AXDND1: variants seen among roughly 807,000 people sequenced by gnomAD.
AXDND1 encodes axonemal dynein light chain domain-containing protein 1.
In AXDND1, 110 loss-of-function variants were observed where a neutral mutation model predicts 137.5. That is an observed-to-expected ratio of 0.80 (90% CI 0.69 to 0.94). The LOEUF (loss-of-function observed/expected upper bound fraction) is 0.94, where lower values mean the gene tolerates loss of function less well. Among genes scored for constraint, AXDND1 ranks in the 40% least tolerant of loss-of-function variants. The pLI, the probability that AXDND1 is intolerant of heterozygous loss-of-function variation, is 0.00. For synonymous variants in AXDND1, 414 were observed against 399.7 expected, an observed-to-expected ratio of 1.04 and a Z score of -0.43; for missense variants, 1,191 against 1,169.8, an observed-to-expected ratio of 1.02 and a Z score of -0.26.
intron 25 of AXDND1, among the ~76,000 whole-genome samples, chr1:179,548,216 A>G (rs1455959881): frequency 6.6e-6 from 1 of 152,216 alleles, no homozygotes; most frequent in Non-Finnish European, 1.5e-5. Flanking sequence ...CATGGCTGTC[A>G]TTTATTGCTA....
In AXDND1 at chr1:179,528,311, T is replaced by C; in HGVS notation, c.2611-16T>C. The C allele has an allele frequency of 6.3e-7, 1 of 1,592,446 alleles. No individual in the cohort carries two copies. The highest frequency in any genetic ancestry group is 8.6e-7 in the Non-Finnish European group (1 of 1,160,932). On this transcript the variant is annotated splice_polypyrimidine_tract_variant and intron_variant, in intron 22 of 25. Coordinates refer to ENST00000367618, the MANE Select transcript of AXDND1 (RefSeq NM_144696.6). ...ACACCAGCTTGCTAACAGGTCCGCA[T>C]GTTTCTGTGTTCTAGCAACCTTCAA...
chr1:179,444,271 G>A (rs1195103682), intron 15 of AXDND1, among the ~76,000 whole-genome samples: 1 of 151,972 alleles, frequency 6.6e-6, no homozygotes, highest in Non-Finnish European at 1.5e-5. Context: ...TCCCAGATGT[G>A]GAAATCGAAG....
intron 21 of AXDND1, among the ~76,000 whole-genome samples, chr1:179,511,037 G>C (rs1365685335): frequency 6.6e-6 from 1 of 151,644 alleles, no homozygotes; most frequent in Non-Finnish European, 1.5e-5. Flanking sequence ...TACAATAAGA[G>C]TCTCCTGTAG....
At chr1:179,541,616 C>T (rs1414704969) in intron 25 of AXDND1, among the ~76,000 whole-genome samples, 1 of 151,636 alleles carries the variant, frequency 6.6e-6, no homozygotes, top group Non-Finnish European at 1.5e-5. Context: ...GTATGGCTAT[C>T]CCTTTAAAAC....
intron 11 of AXDND1, among the ~76,000 whole-genome samples, chr1:179,402,010 A>G (rs760132275): frequency 4.6e-5 from 7 of 152,046 alleles, no homozygotes; most frequent in Non-Finnish European, 8.8e-5. Context: ...CATCTCTACT[A>G]AAAATACAAA....
chr1:179,501,577 T>A (rs555249398), intron 20 of AXDND1, among the ~76,000 whole-genome samples: 2 of 152,034 alleles, frequency 1.3e-5, no homozygotes, highest in South Asian at 4.2e-4. Flanking sequence ...CCAGGTGTGG[T>A]GGTGCACCCC....
intron 16 of AXDND1, among the ~76,000 whole-genome samples, chr1:179,459,973 CTTTTT>C (rs1558211896): frequency 2.2e-5 from 2 of 92,920 alleles, no homozygotes; most frequent in Non-Finnish European, 4.7e-5. Context: ...TTCTTTCTTT[CTTTTT>C]CTTTCTTTCT....
In AXDND1 at chr1:179,445,130, A is replaced by C. The variant is rs1212159147; in HGVS notation, c.1724A>C (p.Gln575Pro). 3 of 1,613,028 alleles carry C rather than the reference A, an allele frequency of 1.9e-6. No individual in the cohort carries two copies. Among genetic ancestry groups the C allele is most frequent in the Non-Finnish European group, 2.5e-6 (3 of 1,179,334 alleles). Residue 575 changes from glutamine (Q) to proline (P), a missense_variant, in exon 16 of 26, where the codon CAG becomes CCG. Physicochemically the swap from Gln to Pro is moderately conservative, Grantham distance 76. Coordinates refer to ENST00000367618, the MANE Select transcript of AXDND1 (RefSeq NM_144696.6). ...SLEGEMPSER[Q>P]YMEEIIKNIQ... ...GAGGGGGAGATGCCATCAGAGCGAC[A>C]GTACATGGAGGAAATTATCAAAAAC...
intron 16 of AXDND1, among the ~76,000 whole-genome samples, chr1:179,459,309 T>A (rs1344168161): frequency 3.3e-5 from 5 of 152,146 alleles, no homozygotes; most frequent in Admixed American, 6.5e-5. Context: ...ATTTAGTTGT[T>A]TAAAAGACAT....
intron 9 of AXDND1, among the ~76,000 whole-genome samples, chr1:179,386,861 G>T (rs1272229067): frequency 1.3e-5 from 2 of 151,780 alleles, no homozygotes; most frequent in Non-Finnish European, 1.5e-5. Flanking sequence ...AGTAGCTGGG[G>T]CTACAAGTGT....
In AXDND1 at chr1:179,492,833, CTTTTTT is replaced by C; in HGVS notation, c.2292-20_2292-15del. On this transcript the variant is annotated splice_polypyrimidine_tract_variant and intron_variant, in intron 19 of 25. Coordinates refer to ENST00000367618, the MANE Select transcript of AXDND1 (RefSeq NM_144696.6). Reference sequence around the variant, plus strand: ...GTGTGTATTTGCTCTTTTTCTTTTTCTTTTTTTCCCCCTTTTTGCAGTTGTTGCAAA... The same window carrying C: ...GTGTGTATTTGCTCTTTTTCTTTTTCTCCCCCTTTTTGCAGTTGTTGCAAA... 6.5e-7 allele frequency: 1 copy of C among 1,530,026 alleles called. No homozygotes were observed. The highest frequency in any genetic ancestry group is 8.9e-7 in the Non-Finnish European group (1 of 1,121,612). 94.8% of individuals were successfully genotyped at this position (1,530,026 alleles called of 1,614,324 possible). A position where few individuals can be genotyped will look rare whatever the true frequency, so the allele number is the denominator to read the frequency against.
At chr1:179,398,582 G>T (rs1238135579) in intron 11 of AXDND1, among the ~76,000 whole-genome samples, 2 of 152,232 alleles carry the variant, frequency 1.3e-5, no homozygotes, top group African/African-American at 2.4e-5. Flanking sequence ...AGGCAGCACA[G>T]CTGGAAGAGG....
At chr1:179,475,545 G>A (rs1010954671) in intron 17 of AXDND1, among the ~76,000 whole-genome samples, 2 of 152,240 alleles carry the variant, frequency 1.3e-5, no homozygotes, top group Admixed American at 1.3e-4. Context: ...TAGCCCCTTG[G>A]TTTTGGTCAA....
intron 20 of AXDND1, chr1:179,506,960 G>A: frequency 6.5e-6 from 6 of 927,326 alleles, no homozygotes; most frequent in Non-Finnish European, 7.7e-6. Flanking sequence ...TTCCTTATGG[G>A]GGGATCTGTG....
intron 2 of AXDND1, among the ~76,000 whole-genome samples, chr1:179,367,898 A>C (rs1272111348): frequency 6.6e-6 from 1 of 151,992 alleles, no homozygotes; most frequent in East Asian, 1.9e-4. Context: ...AGCTAGTGTT[A>C]TCCTTACCCG....
chr1:179,512,018 T>C (rs1669107200), intron 21 of AXDND1, among the ~76,000 whole-genome samples: 1 of 152,216 alleles, frequency 6.6e-6, no homozygotes, highest in Admixed American at 6.5e-5. Context: ...GTGCGTTGTC[T>C]GTTTACTCTG....
intron 16 of AXDND1, among the ~76,000 whole-genome samples, chr1:179,460,553 G>C (rs1263824776): frequency 6.6e-6 from 1 of 152,098 alleles, no homozygotes; most frequent in Non-Finnish European, 1.5e-5. Context: ...ATAATCCTTT[G>C]GGTATATACC....
At chr1:179,404,736 G>A (rs1652665156) in intron 11 of AXDND1, among the ~76,000 whole-genome samples, 1 of 152,004 alleles carries the variant, frequency 6.6e-6, no homozygotes, top group Admixed American at 6.6e-5. Context: ...TTGTGTCTTT[G>A]TCTGGTTTTG....
At chr1:179,469,524 T>C (rs1663667311) in intron 17 of AXDND1, among the ~76,000 whole-genome samples, 1 of 152,206 alleles carries the variant, frequency 6.6e-6, no homozygotes, top group Non-Finnish European at 1.5e-5. Flanking sequence ...TCTTTGGGTA[T>C]ATATCACCTA....
Sources: allele counts gnomAD v4.1 joint callset (sites outside exome capture counted in the v4.1 genomes callset), GRCh38; gene constraint gnomAD v4.1.1; transcripts MANE v1.5; gene names NCBI Gene and HGNC (gene_info 2026-07-23, HGNC 2026-07-21).